ZFHX4: variants seen among roughly 807,000 people sequenced by gnomAD.
The protein encoded by ZFHX4 is zinc finger homeobox protein 4.
A neutral mutation model predicts 267.6 loss-of-function variants in ZFHX4; 56 were observed. The ratio of observed to expected loss-of-function variants is 0.21; its 90% CI spans 0.17 to 0.26. The LOEUF (loss-of-function observed/expected upper bound fraction) is 0.26. Ranked by LOEUF, ZFHX4 falls within the 10% of genes least tolerant of loss-of-function variation. The pLI, the probability that ZFHX4 is intolerant of heterozygous loss-of-function variation, is 1.00. For synonymous variants in ZFHX4, 1,778 were observed against 1,665.6 expected (o/e 1.07, Z -1.64); for missense variants, 4,332 against 4,420.0 (o/e 0.98, Z 0.56).
intron 1 of ZFHX4, among the ~76,000 whole-genome samples, chr8:76,685,538 A>G (rs1249091638): frequency 1.3e-5 from 2 of 152,254 alleles, no homozygotes; most frequent in Non-Finnish European, 2.9e-5. Context: ...GATATTGAAA[A>G]TATAATATAT....
intron 3 of ZFHX4, among the ~76,000 whole-genome samples, chr8:76,726,293 T>C (rs1163451276): frequency 7.9e-5 from 12 of 152,154 alleles, no homozygotes; most frequent in Non-Finnish European, 1.5e-5. Context: ...AAGAAGTTTG[T>C]TTTCTTTATT....
At chr8:76,752,321 G>C (rs1312244691) in intron 3 of ZFHX4, among the ~76,000 whole-genome samples, 4 of 150,828 alleles carry the variant, frequency 2.7e-5, no homozygotes, top group Admixed American at 6.6e-5. Flanking sequence ...AATTAACAGT[G>C]ACTTAAAAGA....
At chr8:76,857,265 G>T (rs929448322) in intron 10 of ZFHX4, among the ~76,000 whole-genome samples, 13 of 151,008 alleles carry the variant, frequency 8.6e-5, no homozygotes, top group Non-Finnish European at 8.8e-5. Flanking sequence ...TATAATTTAA[G>T]TAAGTTTTGT....
chr8:76,698,175 A>T (rs922710251), intron 1 of ZFHX4, among the ~76,000 whole-genome samples: 2 of 152,286 alleles, frequency 1.3e-5, no homozygotes, highest in South Asian at 4.1e-4. Flanking sequence ...TTCAATTAGA[A>T]TGAATAAGAA....
rs77420241 is a variant in ZFHX4, at chr8:76,782,100, ATTTTTTTTTT to A, written c.3325+3676_3325+3685del. 5.2e-4 allele frequency: 122 copies of A among 236,726 alleles called. No individual in the cohort carries two copies. The East Asian group carries it at 7.2e-3, about 14-fold the overall frequency. 14.7% of individuals were successfully genotyped at this position (236,726 alleles called of 1,614,324 possible). On this transcript the variant is annotated intron_variant, in intron 4 of 10. Transcript: ENST00000651372. The stretch of plus-strand genomic sequence containing the variant: ...GCTGGATATGATGCTTCAGTTAAGA[ATTTTTTTTTT>A]TTTTTTTTTTTTTTGCCTATTGTTT...
chr8:76,780,068 A>C (rs528851860), intron 4 of ZFHX4, among the ~76,000 whole-genome samples: 6 of 151,144 alleles, frequency 4.0e-5, no homozygotes, highest in East Asian at 3.9e-4. Flanking sequence ...AAAAAAAAAA[A>C]CACAAAAGCA....
chr8:76,701,266 T>C (rs189383626), intron 1 of ZFHX4, among the ~76,000 whole-genome samples: 1 of 152,214 alleles, frequency 6.6e-6, no homozygotes, highest in East Asian at 1.9e-4. Context: ...AGTTTTGTTA[T>C]TGTTGGTTTT....
At chr8:76,782,280 A>G (rs1322371682) in intron 4 of ZFHX4, 8 of 395,872 alleles carry the variant, frequency 2.0e-5, no homozygotes, top group East Asian at 7.4e-5. Context: ...CTTGAAATGT[A>G]CACTCTGTCT....
intron 4 of ZFHX4, among the ~76,000 whole-genome samples, chr8:76,791,062 A>G (rs1810823038): frequency 6.6e-6 from 1 of 152,178 alleles, no homozygotes; most frequent in Non-Finnish European, 1.5e-5. Context: ...TTTGACTTCA[A>G]TTTGCTACAA....
intron 3 of ZFHX4, among the ~76,000 whole-genome samples, chr8:76,747,691 G>A (rs1353681957): frequency 6.6e-6 from 1 of 152,128 alleles, no homozygotes; most frequent in African/African-American, 2.4e-5. Flanking sequence ...CAGCACTTTG[G>A]GAGGCCGAGG....
intron 3 of ZFHX4, among the ~76,000 whole-genome samples, chr8:76,744,420 T>C (rs1037494367): frequency 3.4e-5 from 5 of 144,978 alleles, no homozygotes; most frequent in Non-Finnish European, 6.3e-5. Context: ...TTTTTTCTTA[T>C]TTTTTTATTT....
intron 1 of ZFHX4, among the ~76,000 whole-genome samples, chr8:76,688,034 G>A (rs1301181366): frequency 1.3e-5 from 2 of 152,160 alleles, no homozygotes; most frequent in Non-Finnish European, 2.9e-5. Context: ...TTTATAAGAT[G>A]CTGTGTTTTC....
chr8:76,782,128 TATTG>T, intron 4 of ZFHX4: 1 of 360,232 alleles, frequency 2.8e-6, no homozygotes, highest in Admixed American at 3.6e-5. Context: ...TTTTTTTGCC[TATTG>T]TTTCTTCTAG....
At chr8:76,700,276 C>T (rs1009760463) in intron 1 of ZFHX4, among the ~76,000 whole-genome samples, 4 of 152,138 alleles carry the variant, frequency 2.6e-5, no homozygotes, top group African/African-American at 9.7e-5. Context: ...AAGGAGCCCA[C>T]TGGTCTTCTT....
Position 76,853,934 on chromosome 8 carries a change from A to G in ZFHX4, c.7013A>G (p.Asp2338Gly). 1 of 1,613,924 alleles carries G rather than the reference A, an allele frequency of 6.2e-7. No individual in the cohort carries two copies. Among genetic ancestry groups the G allele is most frequent in the Non-Finnish European group, 8.5e-7 (1 of 1,179,878 alleles). Residue 2338 changes from aspartate to glycine, a missense_variant, in exon 10 of 11, where the codon GAT (aspartate) becomes GGT (glycine). Transcript: ENST00000651372. ...ITHQKKQCYKDEDDDAQDESQ... is the reference protein window; with the variant it reads ...ITHQKKQCYKGEDDDAQDESQ... ...CATCAGAAAAAGCAGTGTTACAAGG[A>G]TGAAGATGATGATGCCCAAGATGAA...
Position 76,762,524 on chromosome 8 carries a change from T to A in ZFHX4, c.3094-15684T>A, listed in dbSNP as rs1585919285. Among the ~76,000 whole-genome samples the A allele has an allele frequency of 5.3e-5, 8 of 152,182 alleles. No homozygotes were observed. In the South Asian group the frequency reaches 1.7e-3, roughly 32 times the overall value. ...TAGAATTAGGATATGCTAGTAGGAA[T>A]TCATCATGTGAAAGCCAGGAAATCT... On this transcript the variant is annotated intron_variant, in intron 3 of 10. Coordinates refer to ENST00000651372, the MANE Select transcript of ZFHX4 (RefSeq NM_024721.5).
chr8:76,755,351 C>T (rs1247600053), intron 3 of ZFHX4, among the ~76,000 whole-genome samples: 4 of 152,134 alleles, frequency 2.6e-5, no homozygotes, highest in East Asian at 1.9e-4. Flanking sequence ...TTATTAGTCT[C>T]GTGATTTTTG....
At chr8:76,766,712 A>C (rs1014450205) in intron 3 of ZFHX4, among the ~76,000 whole-genome samples, 24 of 152,008 alleles carry the variant, frequency 1.6e-4, no homozygotes, top group African/African-American at 5.8e-4. Context: ...CAGGTAAAAT[A>C]ATACACAGGA....
intron 4 of ZFHX4, among the ~76,000 whole-genome samples, chr8:76,809,208 A>C (rs1454514054): frequency 6.6e-6 from 1 of 152,158 alleles, no homozygotes; most frequent in East Asian, 1.9e-4. Flanking sequence ...TATATTGGCA[A>C]TACTGCTTGA....
Sources: gnomAD v4.1 joint callset for allele counts (sites outside exome capture counted in the v4.1 genomes callset) on GRCh38, gnomAD v4.1.1 for gene constraint, MANE v1.5 for transcripts, NCBI Gene and HGNC (gene_info 2026-07-23, HGNC 2026-07-21) for gene names.